EVC2: variants seen among roughly 807,000 people sequenced by gnomAD.
EVC2 encodes the protein EvC ciliary complex subunit 2, also known as limbin.
A neutral mutation model predicts 149.3 loss-of-function variants in EVC2; 148 were observed. The observed-to-expected ratio is 0.99, with a 90% CI of 0.87 to 1.14. The LOEUF is 1.14. Among genes scored for constraint, EVC2 ranks in the 50% most tolerant of loss-of-function variants. The probability of loss-of-function intolerance (pLI) is 0.00; values close to 1 mark genes in which losing one functional copy is unlikely to be tolerated. For synonymous variants in EVC2, 776 were observed against 649.9 expected, an observed-to-expected ratio of 1.19 and a Z score of -2.95; for missense variants, 1,854 against 1,627.3, an observed-to-expected ratio of 1.14 and a Z score of -2.40.
intron 1 of EVC2, among the ~76,000 whole-genome samples, chr4:5,701,726 G>T (rs995340500): frequency 6.6e-6 from 1 of 152,060 alleles, no homozygotes; most frequent in Admixed American, 6.5e-5. Context: ...GAGACATGTC[G>T]AACTCAACAG....
chr4:5,550,815 T>C (rs1721722347), intron 21 of EVC2, among the ~76,000 whole-genome samples: 2 of 152,224 alleles, frequency 1.3e-5, no homozygotes, highest in African/African-American at 4.8e-5. Context: ...CCCCATGCTG[T>C]GTGCAGCCTA....
At chr4:5,681,451 G>A in intron 6 of EVC2, 138 bp from the exon 7 acceptor site, 3 of 865,124 alleles carry the variant, frequency 3.5e-6, no homozygotes, top group South Asian at 1.4e-5. Context: ...AGCTTGTGAA[G>A]GTCTCACCAT....
At chr4:5,690,494 CT>C (rs1721047765) in intron 4 of EVC2, among the ~76,000 whole-genome samples, 1 of 151,418 alleles carries the variant, frequency 6.6e-6, no homozygotes, top group Non-Finnish European at 1.5e-5. Context: ...TTGGACCCTG[CT>C]GTACTGAAAT....
At chr4:5,536,593 G>GCTAA in the EVC2 span, among the ~76,000 whole-genome samples, 1 of 152,088 alleles carries the variant, frequency 6.6e-6, no homozygotes, top group Non-Finnish European at 1.5e-5. Context: ...GACCATCTTG[G>GCTAA]CTAACATGGT....
At position 5,708,533 on chromosome 4, in the gene EVC2, C is replaced by T; in HGVS notation, c.-20G>A. On this transcript the variant is annotated 5_prime_UTR_variant, in exon 1 of 22. Coordinates refer to ENST00000344408, the MANE Select transcript of EVC2 (RefSeq NM_147127.5). ...GTCCATCGCCTGTCGGGACCCGCTA[C>T]CTCAAAGCGGCGGGTGCCGCCGAGT... is the stretch of plus-strand genomic sequence containing the variant. 2 of 1,418,790 alleles carry T rather than the reference C, an allele frequency of 1.4e-6. No homozygotes were observed. Among genetic ancestry groups the T allele is most frequent in the Non-Finnish European group, 1.8e-6 (2 of 1,090,970 alleles). 87.9% of individuals were successfully genotyped at this position (1,418,790 alleles called of 1,614,324 possible).
In EVC2 at chr4:5,696,913, A is replaced by G. The variant is rs1308867956; in HGVS notation, c.283+680T>C. ...ATACTTTGCAAATGTGATTCCATTA[A>G]GGGCTTCGAGATGGGGAGATTGCCT... On this transcript the variant is annotated intron_variant, in intron 2 of 21. Transcript: ENST00000344408. The surrounding 1 kb of genome is among the most constrained non-coding windows in gnomAD (Gnocchi z 4.1). 6.6e-6 allele frequency among the ~76,000 whole-genome samples: 1 copy of G among 152,214 alleles called. No individual in the cohort carries two copies. Among genetic ancestry groups the G allele is most frequent in the Non-Finnish European group, 1.5e-5 (1 of 68,036 alleles).
chr4:5,595,039 A>G (rs140630048), intron 16 of EVC2, among the ~76,000 whole-genome samples: 24,704 of 152,136 alleles, frequency 0.16, 2,818 homozygotes, highest in East Asian at 0.62. Flanking sequence ...AAAGAAACGA[A>G]CAAAGCCTCC....
At chr4:5,669,016 G>T (rs908359883) in intron 7 of EVC2, among the ~76,000 whole-genome samples, 1 of 152,184 alleles carries the variant, frequency 6.6e-6, no homozygotes, top group African/African-American at 2.4e-5. Context: ...CAGAAAAGAT[G>T]GCCATGTGAA....
At position 5,695,841 on chromosome 4, in the gene EVC2, CT is replaced by C. The variant is rs553800828; in HGVS notation, c.284-1341del. On this transcript the variant is annotated intron_variant, in intron 2 of 21. Coordinates refer to ENST00000344408, the MANE Select transcript of EVC2 (RefSeq NM_147127.5). ...GTAAAGACTACAAGTGCTTTTGAAA[CT>C]TTCTATAGAATTTCAAAATATATGC... is the stretch of plus-strand genomic sequence containing the variant. Among the ~76,000 whole-genome samples the C allele has an allele frequency of 1.4e-3, 212 of 152,216 alleles. 3 individuals are homozygous for C. Among genetic ancestry groups the C allele is most frequent in the Non-Finnish European group, 4.7e-4 (32 of 68,012 alleles).
chr4:5,538,655 C>A (rs1343011114), downstream of EVC2, among the ~76,000 whole-genome samples: 1 of 152,106 alleles, frequency 6.6e-6, no homozygotes, highest in Non-Finnish European at 1.5e-5. Flanking sequence ...CAAGAAGGCA[C>A]AGTTGATTTA....
At chr4:5,568,211 C>T (rs928649160) in intron 20 of EVC2, among the ~76,000 whole-genome samples, 3 of 149,454 alleles carry the variant, frequency 2.0e-5, no homozygotes, top group Non-Finnish European at 4.4e-5. Flanking sequence ...ATATTTCTTT[C>T]TCTTCTTCCT....
chr4:5,685,405 G>T lies in EVC2; in HGVS notation c.781C>A (p.Leu261Ile). 6.2e-7 allele frequency: 1 copy of T among 1,614,250 alleles called. No individual in the cohort carries two copies. Among genetic ancestry groups the T allele is most frequent in the Non-Finnish European group, 8.5e-7 (1 of 1,180,036 alleles). ...GDLGNGESLK[L>I]PAQLTFQSSS... ...CTCTGAAAGGTGAGTTGGGCAGGAA[G>T]CTTGAGGCTCTCCCCGTTCCCGAGG... is the stretch of plus-strand genomic sequence containing the variant. Residue 261 changes from leucine to isoleucine, a missense_variant, in exon 6 of 22, where the codon CTT becomes ATT. Leu to Ile is a conservative substitution (Grantham distance 5). Transcript: ENST00000344408.
At chr4:5,579,368 C>T (rs1644865167) in intron 17 of EVC2, among the ~76,000 whole-genome samples, 1 of 152,198 alleles carries the variant, frequency 6.6e-6, no homozygotes, top group South Asian at 2.1e-4. Flanking sequence ...ACTTAGCCCA[C>T]TGCTTTGGAC....
intron 6 of EVC2, among the ~76,000 whole-genome samples, chr4:5,681,648 G>A (rs1460976405): frequency 6.6e-6 from 1 of 152,206 alleles, no homozygotes; most frequent in Non-Finnish European, 1.5e-5. Context: ...CCCAGCGTCT[G>A]CCTCCTTCAC....
chr4:5,631,445 G>C (rs1238130325), intron 11 of EVC2, among the ~76,000 whole-genome samples: 1 of 152,144 alleles, frequency 6.6e-6, no homozygotes, highest in Non-Finnish European at 1.5e-5. Context: ...CTTTCCACGA[G>C]TCAGCTCATC....
At chr4:5,676,909 T>C (rs1444497091) in intron 7 of EVC2, among the ~76,000 whole-genome samples, 1 of 151,962 alleles carries the variant, frequency 6.6e-6, no homozygotes, top group African/African-American at 2.4e-5. Context: ...GCAACCCGAG[T>C]GTCCATGCTG....
rs570182992 is a variant in EVC2 at position 5,696,805 on chromosome 4, G to A, written c.283+788C>T. Reference sequence around the variant, plus strand: ...GAGTGTCAGTTGAATTTCGACCACTGAGTGTGGCAAGCTGAATAAAGGTCC... The same window carrying A: ...GAGTGTCAGTTGAATTTCGACCACTAAGTGTGGCAAGCTGAATAAAGGTCC... On this transcript the variant is annotated intron_variant, in intron 2 of 21. Transcript: ENST00000344408. The surrounding 1 kb of genome is among the most constrained non-coding windows in gnomAD (Gnocchi z 4.1). Among the ~76,000 whole-genome samples the A allele has an allele frequency of 2.0e-5, 3 of 152,324 alleles. 1 individual carries two copies. The highest frequency in any genetic ancestry group is 6.5e-5 in the Admixed American group (1 of 15,306).
In EVC2 at chr4:5,622,719, C is replaced by G. The variant is rs775800077; in HGVS notation, c.2319G>C (p.Leu773=). 1 of 1,614,150 alleles carries G rather than the reference C, an allele frequency of 6.2e-7. No individual in the cohort carries two copies. Among genetic ancestry groups the G allele is most frequent in the South Asian group, 1.1e-5 (1 of 91,080 alleles). ...LLKRGVPWLF[L]QQILEEHGKE... is the part of the protein sequence containing the mutation. ...TGCCGTGCTCCTCCAGGATCTGCTG[C>G]AGGAAGAGCCAGGGCACCCCACGCT... The change falls in exon 14 of 22, where the codon CTG becomes CTC. Residue 773 remains leucine, a synonymous_variant. Transcript: ENST00000344408. The surrounding 1 kb of genome is among the most constrained non-coding windows in gnomAD (Gnocchi z 5.8).
Position 5,562,578 on chromosome 4 carries a change from A to T in EVC2, c.*270T>A. 3.0e-6 allele frequency: 4 copies of T among 1,337,108 alleles called. No homozygotes were observed. The highest frequency in any genetic ancestry group is 3.2e-5 in the East Asian group (1 of 31,032). 82.8% of individuals were successfully genotyped at this position (1,337,108 alleles called of 1,614,324 possible). ...CAGCAGAGGATGGGGTGTGGATTGCAGGGTGGGGGTCTCCTCCAGGGCCCT... is the reference window on the plus strand; with the variant it reads ...CAGCAGAGGATGGGGTGTGGATTGCTGGGTGGGGGTCTCCTCCAGGGCCCT... On this transcript the variant is annotated 3_prime_UTR_variant, in exon 22 of 22. Transcript: ENST00000344408. The surrounding 1 kb of genome is among the most constrained non-coding windows in gnomAD (Gnocchi z 4.3).
Sources: allele counts gnomAD v4.1 joint callset (sites outside exome capture counted in the v4.1 genomes callset), GRCh38; gene constraint gnomAD v4.1.1; non-coding constraint Gnocchi (gnomAD v3.1); transcripts MANE v1.5; gene names NCBI Gene and HGNC (gene_info 2026-07-23, HGNC 2026-07-21).